Variants in NDUFS4 observed in about 807,000 individuals in gnomAD.
NDUFS4 encodes NADH dehydrogenase [ubiquinone] iron-sulfur protein 4, mitochondrial.
In NDUFS4, 28 loss-of-function variants were observed where a neutral mutation model predicts 24.3. That is an observed-to-expected ratio of 1.15 (90% CI 0.85 to 1.58). The LOEUF (loss-of-function observed/expected upper bound fraction) is 1.58, where lower values mean the gene tolerates loss of function less well. NDUFS4 is among the 40% of genes most tolerant of loss of function. The pLI, the probability that NDUFS4 is intolerant of heterozygous loss-of-function variation, is 0.00. For synonymous variants in NDUFS4, 93 were observed against 69.7 expected (o/e 1.34, Z -1.67); for missense variants, 223 against 207.9 (o/e 1.07, Z -0.45).
At chr5:53,656,806 T>G (rs4145845) in intron 3 of NDUFS4, among the ~76,000 whole-genome samples, 4 of 152,004 alleles carry the variant, frequency 2.6e-5, no homozygotes, top group Non-Finnish European at 4.4e-5. Flanking sequence ...AAGGGTGGAT[T>G]GGAGTCAAGG....
chr5:53,565,868 G>A (rs1243024675), intron 1 of NDUFS4, among the ~76,000 whole-genome samples: 3 of 150,260 alleles, frequency 2.0e-5, no homozygotes, highest in South Asian at 2.1e-4. Flanking sequence ...GTAACTATGC[G>A]AAGTTTTAAA....
At chr5:53,622,896 C>T (rs1285624537) in intron 2 of NDUFS4, among the ~76,000 whole-genome samples, 1 of 152,268 alleles carries the variant, frequency 6.6e-6, no homozygotes, top group East Asian at 1.9e-4. Context: ...TTTATGCTCT[C>T]CCCTGTTCCT....
rs556244098 is a variant in NDUFS4 at position 53,612,455 on chromosome 5, C to G, written c.177+8925C>G. 2.0e-5 allele frequency among the ~76,000 whole-genome samples: 3 copies of G among 152,124 alleles called. No homozygotes were observed. The South Asian group carries it at 6.2e-4, about 32-fold the overall frequency. On this transcript the variant is annotated intron_variant, in intron 2 of 4. Coordinates refer to ENST00000296684, the MANE Select transcript of NDUFS4 (RefSeq NM_002495.4). ...GAGTGTGTGGAGTGAGGAAGGACAT[C>G]TATTATTTCAAAACTTTTTTGAGAA...
At chr5:53,630,876 C>G (rs193297749) in intron 2 of NDUFS4, among the ~76,000 whole-genome samples, 216 of 152,304 alleles carry the variant, frequency 1.4e-3, no homozygotes, top group Non-Finnish European at 7.8e-4. Flanking sequence ...CTAAAGCCTA[C>G]TTCTGTCAAT....
intron 2 of NDUFS4, among the ~76,000 whole-genome samples, chr5:53,638,507 T>C (rs1260698978): frequency 1.3e-5 from 2 of 151,820 alleles, no homozygotes; most frequent in Non-Finnish European, 2.9e-5. Context: ...TGAGAACAAA[T>C]GGACACAAAG....
At chr5:53,606,008 C>T (rs13179647) in intron 2 of NDUFS4, among the ~76,000 whole-genome samples, 3,180 of 114,508 alleles carry the variant, frequency 0.028, 59 homozygotes, top group Non-Finnish European at 0.041. Flanking sequence ...AGCGAGACTC[C>T]GTCTCAAAAA....
intron 2 of NDUFS4, among the ~76,000 whole-genome samples, chr5:53,633,364 T>C (rs1751462838): frequency 6.6e-6 from 1 of 152,144 alleles, no homozygotes; most frequent in African/African-American, 2.4e-5. Flanking sequence ...TTGTAAAACC[T>C]AGGAAGGATT....
intron 1 of NDUFS4, among the ~76,000 whole-genome samples, chr5:53,561,348 C>G (rs916805705): frequency 3.3e-5 from 5 of 152,028 alleles, no homozygotes; most frequent in Non-Finnish European, 5.9e-5. Flanking sequence ...TGGAGGTTTT[C>G]TAGGGATTTT....
At chr5:53,561,921 A>C (rs1251886495) in intron 1 of NDUFS4, among the ~76,000 whole-genome samples, 1 of 152,218 alleles carries the variant, frequency 6.6e-6, no homozygotes, top group Admixed American at 6.5e-5. Flanking sequence ...AGAGTCACTC[A>C]AAAGTAAGGG....
intron 1 of NDUFS4, among the ~76,000 whole-genome samples, chr5:53,571,143 A>G (rs796510834): frequency 3.3e-5 from 5 of 152,320 alleles, no homozygotes; most frequent in African/African-American, 1.2e-4. Context: ...GAATTGTACA[A>G]CCAAAACCAC....
chr5:53,619,588 C>A, intron 2 of NDUFS4, among the ~76,000 whole-genome samples: 1 of 148,134 alleles, frequency 6.8e-6, no homozygotes, highest in African/African-American at 2.5e-5. Flanking sequence ...GTAATATGTA[C>A]ATGTTGTGGA....
intron 3 of NDUFS4, among the ~76,000 whole-genome samples, chr5:53,652,053 G>A (rs112801207): frequency 5.7e-4 from 87 of 152,150 alleles, no homozygotes; most frequent in African/African-American, 1.5e-3. Flanking sequence ...GATTACAGGC[G>A]TGGGCCACCG....
At chr5:53,577,636 A>AT (rs1394859649) in intron 1 of NDUFS4, among the ~76,000 whole-genome samples, 3 of 151,870 alleles carry the variant, frequency 2.0e-5, no homozygotes, top group African/African-American at 7.3e-5. Context: ...ATAGTTTGAT[A>AT]TTTTCCCAGG....
At chr5:53,669,826 T>A (rs1752615046) in intron 4 of NDUFS4, among the ~76,000 whole-genome samples, 1 of 152,200 alleles carries the variant, frequency 6.6e-6, no homozygotes, top group Non-Finnish European at 1.5e-5. Flanking sequence ...AGCAGCAAAT[T>A]TAGTAACGTT....
intron 4 of NDUFS4, among the ~76,000 whole-genome samples, chr5:53,662,961 T>C (rs990721258): frequency 2.6e-5 from 4 of 152,126 alleles, no homozygotes; most frequent in African/African-American, 9.7e-5. Flanking sequence ...GGGCATTTAG[T>C]GCTATAAATT....
intron 1 of NDUFS4, among the ~76,000 whole-genome samples, chr5:53,580,635 C>T (rs1038295789): frequency 2.0e-5 from 3 of 151,836 alleles, no homozygotes; most frequent in Admixed American, 6.6e-5. Context: ...TCCACAACTT[C>T]GCTTATTTAT....
intron 4 of NDUFS4, among the ~76,000 whole-genome samples, chr5:53,663,525 G>A (rs1752411755): frequency 6.6e-6 from 1 of 152,140 alleles, no homozygotes; most frequent in African/African-American, 2.4e-5. Flanking sequence ...CCTGTATTGG[G>A]TGCATATATA....
chr5:53,683,336 A>G lies in NDUFS4; in HGVS notation c.*115A>G. 1.3e-6 allele frequency: 1 copy of G among 775,080 alleles called. No homozygotes were observed. The highest frequency in any genetic ancestry group is 1.5e-5 in the South Asian group (1 of 67,546). The allele number at this position is 775,080 out of a possible 1,614,324, so 48.0% of individuals were successfully genotyped here. ...TCCTAATAAATTGGACCTTTAAACT[A>G]CAGATACATTTTGTGGTGTCTATTT... is the stretch of plus-strand genomic sequence containing the variant. On this transcript the variant is annotated 3_prime_UTR_variant, in exon 5 of 5. Transcript: ENST00000296684.
intron 2 of NDUFS4, among the ~76,000 whole-genome samples, chr5:53,633,060 C>T (rs1192432508): frequency 6.6e-6 from 1 of 152,136 alleles, no homozygotes; most frequent in Non-Finnish European, 1.5e-5. Flanking sequence ...GAGTCGTATG[C>T]TTTATCAAGA....
Sources: gnomAD v4.1 joint callset for allele counts (sites outside exome capture counted in the v4.1 genomes callset) on GRCh38, gnomAD v4.1.1 for gene constraint, MANE v1.5 for transcripts, NCBI Gene and HGNC (gene_info 2026-07-23, HGNC 2026-07-21) for gene names.